Variants in CDC42BPA observed in about 807,000 individuals in gnomAD.
The protein encoded by CDC42BPA is serine/threonine-protein kinase MRCK alpha.
In CDC42BPA, 80 loss-of-function variants were observed where a neutral mutation model predicts 223.5. That is an observed-to-expected ratio of 0.36 (90% confidence interval 0.30 to 0.43). CDC42BPA has a LOEUF of 0.43. Ranked by LOEUF, CDC42BPA falls within the 20% of genes least tolerant of loss-of-function variation. CDC42BPA has a pLI of 1.00. For missense variants in CDC42BPA, 1,743 were observed against 2,099.9 expected, an observed-to-expected ratio of 0.83 and a Z score of 3.32; for synonymous variants, 694 against 718.6, an observed-to-expected ratio of 0.97 and a Z score of 0.55.
Position 227,101,045 on chromosome 1 carries a change from G to T in CDC42BPA, c.2196C>A (p.Leu732=). The T allele has an allele frequency of 1.3e-6, 2 of 1,558,086 alleles. No individual in the cohort carries two copies. Among genetic ancestry groups the T allele is most frequent in the South Asian group, 2.3e-5 (2 of 88,658 alleles). Residue 732 remains leucine, a synonymous_variant, in exon 15 of 37, where the codon CTC becomes CTA. Transcript: ENST00000366766. ...CTTTTAAAATCATAATTTCTTTGTT[G>T]AGAGCAAGTTGCTGACCTTCTGAAT... ...LHDSEGQQLA[L]NKEIMILKDK...
At chr1:227,202,982 A>T (rs966297684) in intron 3 of CDC42BPA, among the ~76,000 whole-genome samples, 7 of 152,124 alleles carry the variant, frequency 4.6e-5, no homozygotes, top group African/African-American at 1.4e-4. Flanking sequence ...TTTATGATAC[A>T]AAATTTCAAA....
intron 30 of CDC42BPA, 136 bp downstream of exon 30, chr1:227,028,521 C>T (rs1214637515): frequency 3.4e-6 from 2 of 589,736 alleles, no homozygotes; most frequent in African/African-American, 3.7e-5. Context: ...ACAACATAAT[C>T]AATACTGAGG....
intron 2 of CDC42BPA, among the ~76,000 whole-genome samples, chr1:227,248,604 T>C (rs1473036766): frequency 6.6e-6 from 1 of 152,156 alleles, no homozygotes; most frequent in Non-Finnish European, 1.5e-5. Flanking sequence ...ACAAATGCTA[T>C]GGTCAAATGG....
At chr1:227,183,936 G>A (rs10799398) in intron 5 of CDC42BPA, among the ~76,000 whole-genome samples, 103,614 of 152,044 alleles carry the variant, frequency 0.68, 35,532 homozygotes, top group South Asian at 0.73. Context: ...TGGCATTTTC[G>A]TAAAATTCAA....
chr1:227,185,520 GAATGAC>G (rs1361297938), intron 5 of CDC42BPA, among the ~76,000 whole-genome samples: 1 of 152,150 alleles, frequency 6.6e-6, no homozygotes, highest in Non-Finnish European at 1.5e-5. Flanking sequence ...CCGGCTACGT[GAATGAC>G]ATGCCTGGTC....
At chr1:227,314,808 T>C (rs1358962946) in intron 1 of CDC42BPA, among the ~76,000 whole-genome samples, 1 of 143,108 alleles carries the variant, frequency 7.0e-6, no homozygotes, top group Non-Finnish European at 1.5e-5. Flanking sequence ...AAACTTAAAA[T>C]TACACCATTT....
At chr1:227,253,603 A>AATAC (rs1313971891) in intron 2 of CDC42BPA, among the ~76,000 whole-genome samples, 1 of 109,466 alleles carries the variant, frequency 9.1e-6, no homozygotes, top group Non-Finnish European at 2.1e-5. Context: ...CTCAAAAATA[A>AATAC]ATAAATACAT....
chr1:227,194,182 T>C (rs1234720165), intron 4 of CDC42BPA, among the ~76,000 whole-genome samples: 1 of 152,170 alleles, frequency 6.6e-6, no homozygotes, highest in South Asian at 2.1e-4. Context: ...TTGTTGTATT[T>C]TGCAAAGAGC....
chr1:227,247,020 G>A (rs944524862), intron 2 of CDC42BPA, among the ~76,000 whole-genome samples: 4 of 152,060 alleles, frequency 2.6e-5, no homozygotes. Flanking sequence ...GGCCAACATG[G>A]TGAAACCCCA....
intron 21 of CDC42BPA, among the ~76,000 whole-genome samples, chr1:227,055,438 C>T (rs1018268746): frequency 1.3e-5 from 2 of 152,006 alleles, no homozygotes; most frequent in Non-Finnish European, 2.9e-5. Flanking sequence ...GCAATTAATT[C>T]TATTAAACTT....
intron 1 of CDC42BPA, among the ~76,000 whole-genome samples, chr1:227,274,359 T>C (rs1435567336): frequency 3.3e-5 from 5 of 152,164 alleles, no homozygotes; most frequent in Non-Finnish European, 5.9e-5. Flanking sequence ...AGAGGATCCT[T>C]AGGAAGAGCA....
intron 2 of CDC42BPA, among the ~76,000 whole-genome samples, chr1:227,230,725 T>C (rs924707760): frequency 3.9e-5 from 6 of 152,088 alleles, no homozygotes; most frequent in Non-Finnish European, 8.8e-5. Context: ...ATTGCATCTA[T>C]ACATTTTTAT....
At chr1:227,124,475 A>G (rs1017590459) in intron 11 of CDC42BPA, among the ~76,000 whole-genome samples, 1 of 152,070 alleles carries the variant, frequency 6.6e-6, no homozygotes, top group Non-Finnish European at 1.5e-5. Flanking sequence ...CTTTGAAGGT[A>G]TATATATTTT....
At chr1:227,303,886 A>G (rs545577600) in intron 1 of CDC42BPA, among the ~76,000 whole-genome samples, 5 of 152,232 alleles carry the variant, frequency 3.3e-5, no homozygotes, top group Non-Finnish European at 7.3e-5. Flanking sequence ...TGTATGCTCA[A>G]TCCATCATCA....
At chr1:227,127,944 C>T in intron 11 of CDC42BPA, among the ~76,000 whole-genome samples, 1 of 152,084 alleles carries the variant, frequency 6.6e-6, no homozygotes, top group East Asian at 1.9e-4. Flanking sequence ...TAAAATAGTA[C>T]CTTCTGCTCT....
intron 16 of CDC42BPA, among the ~76,000 whole-genome samples, chr1:227,083,061 T>C (rs1572695589): frequency 1.3e-5 from 2 of 152,158 alleles, no homozygotes; most frequent in East Asian, 3.9e-4. Flanking sequence ...TTAGGGTTTG[T>C]GGTATTTCTT....
chr1:227,124,608 T>C (rs1689219249), intron 11 of CDC42BPA, among the ~76,000 whole-genome samples: 2 of 152,004 alleles, frequency 1.3e-5, no homozygotes, highest in Admixed American at 6.6e-5. Context: ...AAACAGTATG[T>C]GAAGGAAGTG....
rs186129853 is a variant in CDC42BPA, at chr1:226,999,446, G to T, written c.4976-4466C>A. 6.0e-3 allele frequency among the ~76,000 whole-genome samples: 914 copies of T among 152,248 alleles called. 9 individuals are homozygous for T. The highest frequency in any genetic ancestry group is 0.021 in the African/African-American group (861 of 41,526). ...CCACCTCAGCCTCCCAAAGTGCTGG[G>T]ATTATAGGCCTGAGCCACCGCGCCC... On this transcript the variant is annotated intron_variant, in intron 35 of 36. Transcript: ENST00000366766.
At chr1:227,036,809 A>G (rs754288263) in intron 24 of CDC42BPA, among the ~76,000 whole-genome samples, 8 of 152,216 alleles carry the variant, frequency 5.3e-5, no homozygotes, top group Admixed American at 4.6e-4. Context: ...AAGCAACAAA[A>G]TAAGTATCCT....
Sources: allele counts gnomAD v4.1 joint callset (sites outside exome capture counted in the v4.1 genomes callset), GRCh38; gene constraint gnomAD v4.1.1; transcripts MANE v1.5; gene names NCBI Gene and HGNC (gene_info 2026-07-23, HGNC 2026-07-21).